The following LINGO2 variants were observed in gnomAD, a reference collection of about 807,000 sequenced individuals.
LINGO2 encodes the protein leucine rich repeat and Ig domain containing 2.
A neutral mutation model predicts 30.6 loss-of-function variants in LINGO2; 14 were observed. The observed-to-expected ratio is 0.46, with a 90% CI of 0.30 to 0.72. LINGO2 has a LOEUF of 0.72. Ranked by LOEUF, LINGO2 falls within the 30% of genes least tolerant of loss-of-function variation. LINGO2 has a pLI of 0.07. For missense variants in LINGO2, 729 were observed against 751.7 expected (o/e 0.97, Z 0.35); for synonymous variants, 317 against 288.5 (o/e 1.10, Z -1.00).
chr9:28,666,840 T>C (rs1828820753), intron 1 of LINGO2, among the ~76,000 whole-genome samples: 1 of 152,206 alleles, frequency 6.6e-6, no homozygotes, highest in Non-Finnish European at 1.5e-5. Flanking sequence ...ATAAAACTAA[T>C]GCATGTTTAA....
exon 6 of LINGO2, chr9:27,950,003 T>C: frequency 1.2e-6 from 2 of 1,614,072 alleles, no homozygotes; most frequent in Non-Finnish European, 8.5e-7. Context: ...GGTGGAACAA[T>C]CTTTTAAAGG....
the LINGO2 span, among the ~76,000 whole-genome samples, chr9:29,125,259 A>G: frequency 2.0e-5 from 3 of 152,008 alleles, no homozygotes; most frequent in African/African-American, 7.2e-5. Flanking sequence ...AAGGCTTGTC[A>G]GGGGCTGGAG....
chr9:29,152,812 A>G, the LINGO2 span, among the ~76,000 whole-genome samples: 4 of 152,206 alleles, frequency 2.6e-5, no homozygotes, highest in Non-Finnish European at 5.9e-5. Flanking sequence ...ACATATTTAA[A>G]ATAAAAATTG....
At chr9:28,356,633 A>T (rs1820220290) in intron 3 of LINGO2, among the ~76,000 whole-genome samples, 1 of 152,200 alleles carries the variant, frequency 6.6e-6, no homozygotes, top group African/African-American at 2.4e-5. Flanking sequence ...AAGGAAATTG[A>T]GAAATCACTT....
At chr9:28,250,840 G>C (rs1822171190) in intron 4 of LINGO2, among the ~76,000 whole-genome samples, 1 of 152,116 alleles carries the variant, frequency 6.6e-6, no homozygotes, top group African/African-American at 2.4e-5. Context: ...TGGACAGAGA[G>C]GACTTTCACA....
At chr9:28,821,741 G>C in the LINGO2 span, among the ~76,000 whole-genome samples, 1 of 152,200 alleles carries the variant, frequency 6.6e-6, no homozygotes, top group Admixed American at 6.5e-5. Flanking sequence ...GGCAGCAAAA[G>C]ATGGGAGGAC....
chr9:28,712,293 G>C, the LINGO2 span, among the ~76,000 whole-genome samples: 2 of 152,026 alleles, frequency 1.3e-5, no homozygotes, highest in Non-Finnish European at 2.9e-5. Context: ...GCACCCACTT[G>C]AATGATCAAA....
chr9:28,975,340 T>A, the LINGO2 span, among the ~76,000 whole-genome samples: 1 of 152,184 alleles, frequency 6.6e-6, no homozygotes, highest in South Asian at 2.1e-4. Context: ...TGATGACCTA[T>A]GAACCTCAAG....
the LINGO2 span, among the ~76,000 whole-genome samples, chr9:29,189,071 C>A: frequency 1.8e-5 from 2 of 109,182 alleles, no homozygotes; most frequent in African/African-American, 3.1e-5. Context: ...ACCCCCCCCA[C>A]CTCCATCCCG....
intron 4 of LINGO2, among the ~76,000 whole-genome samples, chr9:28,273,879 A>T (rs1298280869): frequency 6.6e-6 from 1 of 152,110 alleles, no homozygotes; most frequent in African/African-American, 2.4e-5. Flanking sequence ...GGCTACAACT[A>T]ATTTCCATAG....
chr9:28,373,430 A>C (rs77939295), intron 2 of LINGO2, among the ~76,000 whole-genome samples: 2,614 of 152,234 alleles, frequency 0.017, 79 homozygotes, highest in African/African-American at 0.059. Flanking sequence ...TACATTCCTT[A>C]TGGAAATTGT....
chr9:29,203,299 A>G, the LINGO2 span, among the ~76,000 whole-genome samples: 1 of 152,200 alleles, frequency 6.6e-6, no homozygotes, highest in African/African-American at 2.4e-5. Context: ...AGACAAAGTA[A>G]TCTGCTACAG....
chr9:29,213,084 A>C, the LINGO2 span, among the ~76,000 whole-genome samples: 1 of 152,008 alleles, frequency 6.6e-6, no homozygotes, highest in African/African-American at 2.4e-5. Flanking sequence ...CCCTCACCAT[A>C]GAGGCGCCTC....
intron 4 of LINGO2, among the ~76,000 whole-genome samples, chr9:28,093,339 A>G (rs1300734019): frequency 6.6e-6 from 1 of 152,062 alleles, no homozygotes; most frequent in Non-Finnish European, 1.5e-5. Flanking sequence ...TCTGACAAGG[A>G]GCAAAGGTTT....
chr9:29,206,761 G>A, the LINGO2 span, among the ~76,000 whole-genome samples: 2 of 151,998 alleles, frequency 1.3e-5, no homozygotes, highest in African/African-American at 2.4e-5. Context: ...CAAGAACACA[G>A]AATTCTTAAG....
At chr9:28,154,608 C>T (rs1179020465) in intron 4 of LINGO2, among the ~76,000 whole-genome samples, 3 of 152,162 alleles carry the variant, frequency 2.0e-5, no homozygotes, top group African/African-American at 7.2e-5. Context: ...AGTGTTTCCA[C>T]AACGAAGAGA....
At chr9:28,060,182 C>T (rs1300001674) in intron 4 of LINGO2, among the ~76,000 whole-genome samples, 1 of 152,020 alleles carries the variant, frequency 6.6e-6, no homozygotes. Flanking sequence ...GTAATTTTTC[C>T]CCACAAAAGC....
the LINGO2 span, among the ~76,000 whole-genome samples, chr9:29,204,662 C>T: frequency 6.6e-6 from 1 of 152,100 alleles, no homozygotes; most frequent in Admixed American, 6.5e-5. Context: ...CTTATTAAAC[C>T]AGAAACATAC....
chr9:28,701,795 ACTT>A, the LINGO2 span, among the ~76,000 whole-genome samples: 1 of 151,930 alleles, frequency 6.6e-6, no homozygotes, highest in Non-Finnish European at 1.5e-5. Flanking sequence ...TCCATTTGGT[ACTT>A]CTTTGATTTC....
Sources: gnomAD v4.1 joint callset for allele counts (sites outside exome capture counted in the v4.1 genomes callset) on GRCh38, gnomAD v4.1.1 for gene constraint, MANE v1.5 for transcripts, NCBI Gene and HGNC (gene_info 2026-07-23, HGNC 2026-07-21) for gene names.